Variants in PDE9A observed in about 807,000 individuals in gnomAD.
PDE9A encodes high affinity cGMP-specific 3',5'-cyclic phosphodiesterase 9A.
PDE9A carries 60 observed loss-of-function variants against 87.4 expected under a neutral mutation model. The observed-to-expected ratio is 0.69, with a 90% confidence interval of 0.56 to 0.85. The LOEUF is 0.85. Among genes scored for constraint, PDE9A ranks in the 40% least tolerant of loss-of-function variants. PDE9A has a pLI of 0.00. For synonymous variants in PDE9A, 272 were observed against 279.4 expected, an observed-to-expected ratio of 0.97 and a Z score of 0.27; for missense variants, 665 against 779.0, an observed-to-expected ratio of 0.85 and a Z score of 1.74.
chr21:42,655,384 A>C (rs1435210871), intron 1 of PDE9A, among the ~76,000 whole-genome samples: 3 of 152,212 alleles, frequency 2.0e-5, no homozygotes, highest in Non-Finnish European at 1.5e-5. Context: ...AAGCAGGTGA[A>C]AAGTGGAGGA....
At position 42,705,855 on chromosome 21, in the gene PDE9A, C is replaced by T. The variant is rs553145449; in HGVS notation, c.262+6844C>T. The stretch of plus-strand genomic sequence containing the variant: ...TGTCTCTAGTCACACACACCCTGTT[C>T]AGCCTCTGCATCTGGCCCCCGCGGA... On this transcript the variant is annotated intron_variant, in intron 4 of 19. Transcript: ENST00000291539. This position sits in a 1 kb window ranked among gnomAD's most constrained non-coding sequence, Gnocchi z 4.3. Among the ~76,000 whole-genome samples, 11 of 152,230 alleles carry T rather than the reference C, an allele frequency of 7.2e-5. No individual in the cohort carries two copies. Among genetic ancestry groups the T allele is most frequent in the African/African-American group, 2.6e-4 (11 of 41,542 alleles).
At chr21:42,751,517 C>T (rs2146987133) in intron 9 of PDE9A, among the ~76,000 whole-genome samples, 1 of 152,340 alleles carries the variant, frequency 6.6e-6, no homozygotes, top group East Asian at 1.9e-4. Flanking sequence ...TAACGTTTAA[C>T]TGAATTTTTA....
rs1177814581 is a variant in PDE9A, at chr21:42,704,356, T to C, written c.262+5345T>C. ...GCCTCTGGGTGCGTGGGGACCCCGC[T>C]CTCCAAATAGGCCAGTGTTCCAGGC... On this transcript the variant is annotated intron_variant, in intron 4 of 19. Transcript: ENST00000291539. The surrounding 1 kb of genome is among the most constrained non-coding windows in gnomAD (Gnocchi z 5.3). Among the ~76,000 whole-genome samples the C allele has an allele frequency of 6.6e-6, 1 of 151,434 alleles. No individual in the cohort carries two copies. Among genetic ancestry groups the C allele is most frequent in the Non-Finnish European group, 1.5e-5 (1 of 67,928 alleles).
chr21:42,752,218 C>T (rs2054512538), intron 9 of PDE9A, among the ~76,000 whole-genome samples: 1 of 152,134 alleles, frequency 6.6e-6, no homozygotes, highest in African/African-American at 2.4e-5. Flanking sequence ...ATTCTATCCA[C>T]GCAGTTCCAA....
At position 42,705,725 on chromosome 21, in the gene PDE9A, A is replaced by G. The variant is rs1480372703; in HGVS notation, c.262+6714A>G. Among the ~76,000 whole-genome samples the G allele has an allele frequency of 6.6e-6, 1 of 152,126 alleles. No individual in the cohort carries two copies. Among genetic ancestry groups the G allele is most frequent in the African/African-American group, 2.4e-5 (1 of 41,428 alleles). ...ACAGCAGCAGTTGAACCGTGCTGTC[A>G]CACTTAACCCAAGTGATGACAGCCT... On this transcript the variant is annotated intron_variant, in intron 4 of 19. Coordinates refer to ENST00000291539, the MANE Select transcript of PDE9A (RefSeq NM_002606.3). This position sits in a 1 kb window ranked among gnomAD's most constrained non-coding sequence, Gnocchi z 4.3.
chr21:42,731,626 C>A, intron 4 of PDE9A, 144 bp from the exon 5 acceptor site: 2 of 834,522 alleles, frequency 2.4e-6, no homozygotes, highest in Non-Finnish European at 3.8e-6. Context: ...CTCCCCCGTG[C>A]AGACCCGCCG....
intron 4 of PDE9A, among the ~76,000 whole-genome samples, chr21:42,730,999 C>G (rs1201935837): frequency 6.6e-6 from 1 of 152,126 alleles, no homozygotes. Context: ...CTCTTGTTCC[C>G]CAGGCTGGAG....
At chr21:42,670,041 T>TCA (rs199698684) in intron 1 of PDE9A, among the ~76,000 whole-genome samples, 298 of 152,002 alleles carry the variant, frequency 2.0e-3, no homozygotes, top group African/African-American at 7.0e-3. Context: ...TGTTTCACCT[T>TCA]CACACACACA....
chr21:42,729,633 ATAGTGC>A (rs1271693893), intron 4 of PDE9A, among the ~76,000 whole-genome samples: 7 of 152,164 alleles, frequency 4.6e-5, no homozygotes, highest in Admixed American at 4.6e-4. Flanking sequence ...ATGAAAGCCC[ATAGTGC>A]TATAAATTTC....
At chr21:42,747,303 G>A (rs764186851) in intron 8 of PDE9A, among the ~76,000 whole-genome samples, 2 of 148,864 alleles carry the variant, frequency 1.3e-5, no homozygotes, top group Non-Finnish European at 1.5e-5. Flanking sequence ...GAGAGGAGCT[G>A]CAAAAGGCAG....
intron 4 of PDE9A, among the ~76,000 whole-genome samples, chr21:42,700,440 C>T (rs1040195206): frequency 6.6e-5 from 10 of 152,318 alleles, no homozygotes; most frequent in African/African-American, 2.2e-4. Flanking sequence ...TAACCGTCTT[C>T]CCTAAGAGTG....
rs1345702463 is a variant in PDE9A, at chr21:42,760,048, C to T, written c.898-280C>T. On this transcript the variant is annotated intron_variant, in intron 11 of 19. Coordinates refer to ENST00000291539, the MANE Select transcript of PDE9A (RefSeq NM_002606.3). The surrounding 1 kb of genome is among the most constrained non-coding windows in gnomAD (Gnocchi z 5.2). ...TGCCCCACTGTGGCTCCTCAGACAC[C>T]TCCGGGGAGACCCCAGTCCTTGACT... is the stretch of plus-strand genomic sequence containing the variant. Among the ~76,000 whole-genome samples the T allele has an allele frequency of 6.6e-6, 1 of 152,038 alleles. No homozygotes were observed. The highest frequency in any genetic ancestry group is 1.5e-5 in the Non-Finnish European group (1 of 67,984).
intron 18 of PDE9A, among the ~76,000 whole-genome samples, chr21:42,771,524 G>A (rs890528642): frequency 7.2e-5 from 11 of 152,176 alleles, no homozygotes; most frequent in Non-Finnish European, 1.3e-4. Context: ...CCTGGCCTTG[G>A]CCGGTGTTGC....
At position 42,675,174 on chromosome 21, in the gene PDE9A, G is replaced by A. The variant is rs1486674279; in HGVS notation, c.70-11018G>A. 6.6e-6 allele frequency among the ~76,000 whole-genome samples: 1 copy of A among 152,166 alleles called. No individual in the cohort carries two copies. Among genetic ancestry groups the A allele is most frequent in the Non-Finnish European group, 1.5e-5 (1 of 68,040 alleles). On this transcript the variant is annotated intron_variant, in intron 1 of 19. Coordinates refer to ENST00000291539, the MANE Select transcript of PDE9A (RefSeq NM_002606.3). This position sits in a 1 kb window ranked among gnomAD's most constrained non-coding sequence, Gnocchi z 4.3. ...TTTGTGTCCTGATCATTTTCACTCA[G>A]CATTACATCAGCAGCGGTTTCCAAT... is the stretch of plus-strand genomic sequence containing the variant.
chr21:42,660,950 C>T lies in PDE9A; in HGVS notation c.69+7067C>T, dbSNP rs936283440. On this transcript the variant is annotated intron_variant, in intron 1 of 19. Transcript: ENST00000291539. The surrounding 1 kb of genome is among the most constrained non-coding windows in gnomAD (Gnocchi z 4.7). ...GGAGCATTGGCCCTGAACAGAAACC[C>T]GCAGTACCCCTGAAAACTCGGTCTA... 1.6e-4 allele frequency among the ~76,000 whole-genome samples: 25 copies of T among 152,172 alleles called. No individual in the cohort carries two copies. Among genetic ancestry groups the T allele is most frequent in the Non-Finnish European group, 3.1e-4 (21 of 68,026 alleles).
chr21:42,755,245 A>C (rs574940602), intron 10 of PDE9A, among the ~76,000 whole-genome samples: 4 of 152,258 alleles, frequency 2.6e-5, no homozygotes, highest in Non-Finnish European at 5.9e-5. Flanking sequence ...AAAGGGCAGA[A>C]AGTGGGCTCT....
intron 4 of PDE9A, among the ~76,000 whole-genome samples, chr21:42,699,266 C>G (rs1237434011): frequency 1.3e-5 from 2 of 152,206 alleles, no homozygotes; most frequent in Non-Finnish European, 2.9e-5. Context: ...TAGCATCTGC[C>G]TGGGGTTAGC....
At chr21:42,771,621 C>G (rs1404246204) in intron 18 of PDE9A, among the ~76,000 whole-genome samples, 1 of 152,258 alleles carries the variant, frequency 6.6e-6, no homozygotes, top group Admixed American at 6.5e-5. Context: ...TGCCCACCAC[C>G]CCGTCTTTTC....
At position 42,653,892 on chromosome 21, in the gene PDE9A, T is replaced by C. The variant is rs2145729339; in HGVS notation, c.69+9T>C. ...ATGGACGCATTCAGAAGGTAGCCCC[T>C]CCCCCACCCAGACACCCCCTCCTCC... On this transcript the variant is annotated intron_variant, in intron 1 of 19. Transcript: ENST00000291539. The C allele has an allele frequency of 1.3e-6, 2 of 1,499,034 alleles. No homozygotes were observed. The highest frequency in any genetic ancestry group is 1.8e-6 in the Non-Finnish European group (2 of 1,105,352). 92.9% of individuals were successfully genotyped at this position (1,499,034 alleles called of 1,614,324 possible). A position where few individuals can be genotyped will look rare whatever the true frequency, so the allele number is the denominator to read the frequency against.
Sources: gnomAD v4.1 joint callset for allele counts (sites outside exome capture counted in the v4.1 genomes callset) on GRCh38, gnomAD v4.1.1 for gene constraint, Gnocchi (gnomAD v3.1) non-coding constraint, MANE v1.5 for transcripts, NCBI Gene and HGNC (gene_info 2026-07-23, HGNC 2026-07-21) for gene names.